NAV3: variants seen among roughly 807,000 people sequenced by gnomAD.
NAV3 encodes the protein pore membrane and/or filament interacting like protein 1.
NAV3 carries 87 observed loss-of-function variants against 244.7 expected under a neutral mutation model. The observed-to-expected ratio is 0.36, with a 90% confidence interval of 0.30 to 0.42. The LOEUF is 0.42. Ranked by LOEUF, NAV3 falls within the 20% of genes least tolerant of loss-of-function variation. NAV3 has a pLI of 1.00. For missense variants in NAV3, 2,663 were observed against 2,893.3 expected (o/e 0.92, Z 1.83); for synonymous variants, 1,126 against 1,042.2 (o/e 1.08, Z -1.55).
intron 2 of NAV3, among the ~76,000 whole-genome samples, chr12:77,699,776 A>T: frequency 7.1e-6 from 1 of 140,544 alleles, no homozygotes; most frequent in Non-Finnish European, 1.5e-5. Context: ...GAGCAAGGCC[A>T]TGTCTGCATG....
At chr12:78,103,426 A>G (rs937600896) in intron 12 of NAV3, among the ~76,000 whole-genome samples, 2 of 152,032 alleles carry the variant, frequency 1.3e-5, no homozygotes, top group African/African-American at 4.8e-5. Flanking sequence ...CTCTACTCCA[A>G]ACTTTCCCAC....
chr12:78,076,475 C>T (rs1953057061), intron 12 of NAV3, among the ~76,000 whole-genome samples: 1 of 152,126 alleles, frequency 6.6e-6, no homozygotes, highest in East Asian at 1.9e-4. Flanking sequence ...CTCCCAGAAT[C>T]GAATGCAGTT....
rs1960625139 is a variant in NAV3 at position 78,209,041 on chromosome 12, G to T, written c.7039-1357G>T. 2.6e-5 allele frequency among the ~76,000 whole-genome samples: 4 copies of T among 151,978 alleles called. No homozygotes were observed. The South Asian group carries it at 8.3e-4, about 32-fold the overall frequency. ...AGACATTTGACTTTTTGGCTTACTG[G>T]GTTTAAAAAGTTATCACCTACTACT... is the stretch of plus-strand genomic sequence containing the variant. On this transcript the variant is annotated intron_variant, in intron 39 of 39. Coordinates refer to ENST00000397909, the MANE Select transcript of NAV3 (RefSeq NM_001024383.2).
chr12:77,814,498 G>A (rs1872447937), intron 2 of NAV3, among the ~76,000 whole-genome samples: 1 of 152,132 alleles, frequency 6.6e-6, no homozygotes, highest in South Asian at 2.1e-4. Context: ...AGGAGAGGAG[G>A]TTGAATTCAA....
At chr12:77,898,997 G>A (rs902485197) in intron 1 of NAV3, among the ~76,000 whole-genome samples, 6 of 152,206 alleles carry the variant, frequency 3.9e-5, no homozygotes, top group Non-Finnish European at 8.8e-5. Context: ...AACTGCTGAT[G>A]TGGTAGGAAT....
chr12:77,585,060 T>G (rs79345018), intron 2 of NAV3, among the ~76,000 whole-genome samples: 3 of 152,184 alleles, frequency 2.0e-5, no homozygotes, highest in Non-Finnish European at 2.9e-5. Context: ...CGTTCTCACA[T>G]GTCTATGCCA....
At chr12:78,161,576 A>T (rs1033736134) in intron 23 of NAV3, among the ~76,000 whole-genome samples, 19 of 152,122 alleles carry the variant, frequency 1.2e-4, no homozygotes, top group Non-Finnish European at 2.6e-4. Context: ...CTGAATATTT[A>T]AAAATAATTT....
chr12:77,747,770 A>T (rs1327789248), intron 2 of NAV3, among the ~76,000 whole-genome samples: 4 of 152,188 alleles, frequency 2.6e-5, no homozygotes, highest in Non-Finnish European at 5.9e-5. Context: ...ATTCTCAGCA[A>T]ACTATTGCAA....
At chr12:77,584,039 A>G (rs1282584610) in intron 2 of NAV3, among the ~76,000 whole-genome samples, 2 of 152,186 alleles carry the variant, frequency 1.3e-5, no homozygotes, top group Non-Finnish European at 2.9e-5. Flanking sequence ...TCATGTATCC[A>G]GTATTACTGT....
At chr12:77,804,182 G>A (rs1871852875) in intron 2 of NAV3, among the ~76,000 whole-genome samples, 1 of 152,096 alleles carries the variant, frequency 6.6e-6, no homozygotes, top group Admixed American at 6.6e-5. Context: ...TTTGGCTTTT[G>A]TTGCCATTGC....
At chr12:78,012,594 G>T (rs1454402613) in intron 8 of NAV3, among the ~76,000 whole-genome samples, 1 of 151,786 alleles carries the variant, frequency 6.6e-6, no homozygotes, top group East Asian at 1.9e-4. Flanking sequence ...AACCTATATT[G>T]CTTTAGAACA....
At chr12:77,578,389 A>G (rs1002728525) in intron 2 of NAV3, among the ~76,000 whole-genome samples, 2 of 152,128 alleles carry the variant, frequency 1.3e-5, no homozygotes, top group East Asian at 1.9e-4. Flanking sequence ...CACCATTGTG[A>G]TGTGTTCAAT....
At chr12:77,797,283 TAGTA>T (rs1681528076) in intron 2 of NAV3, among the ~76,000 whole-genome samples, 1 of 152,164 alleles carries the variant, frequency 6.6e-6, no homozygotes, top group Non-Finnish European at 1.5e-5. Context: ...GTAGCAGAAA[TAGTA>T]AGAGTATTAC....
intron 1 of NAV3, among the ~76,000 whole-genome samples, chr12:77,888,008 A>G (rs1382308269): frequency 7.4e-6 from 1 of 135,472 alleles, no homozygotes; most frequent in African/African-American, 2.8e-5. Context: ...GTATCTAAAG[A>G]CACAAAAGTT....
At chr12:78,026,832 T>A (rs942386518) in intron 9 of NAV3, among the ~76,000 whole-genome samples, 1 of 152,270 alleles carries the variant, frequency 6.6e-6, no homozygotes, top group East Asian at 1.9e-4. Context: ...ATATAATGGA[T>A]GTAGCATTAA....
intron 5 of NAV3, among the ~76,000 whole-genome samples, chr12:77,989,437 A>G (rs1442936082): frequency 6.6e-6 from 1 of 152,188 alleles, no homozygotes; most frequent in Non-Finnish European, 1.5e-5. Context: ...TATGGAAGCT[A>G]AAGAGCTAGC....
At chr12:77,651,002 AAATT>A (rs1872796579) in intron 2 of NAV3, among the ~76,000 whole-genome samples, 1 of 152,126 alleles carries the variant, frequency 6.6e-6, no homozygotes, top group South Asian at 2.1e-4. Flanking sequence ...AAATCTAGGT[AAATT>A]AATCCTTATA....
rs542159164 is a variant in NAV3, at chr12:77,768,336, G to T, written c.73-171983G>T. On this transcript the variant is annotated intron_variant, in intron 2 of 8. Coordinates refer to the NAV3 transcript ENST00000550042. ...TTTCACCAGGCACCTGACCCTTTCTGCCCAGGAGCCTGTCTGCCTCCTGCC... is the reference window on the plus strand; with the variant it reads ...TTTCACCAGGCACCTGACCCTTTCTTCCCAGGAGCCTGTCTGCCTCCTGCC... 1.1e-4 allele frequency among the ~76,000 whole-genome samples: 17 copies of T among 152,312 alleles called. 1 individual carries two copies. In the South Asian group the frequency reaches 3.3e-3, roughly 30 times the overall value.
At chr12:77,779,951 A>G (rs1023437483) in intron 2 of NAV3, among the ~76,000 whole-genome samples, 3 of 152,232 alleles carry the variant, frequency 2.0e-5, no homozygotes, top group South Asian at 2.1e-4. Context: ...TTATTGGTAC[A>G]TGTCCCATTA....
Sources: gnomAD v4.1 joint callset for allele counts (sites outside exome capture counted in the v4.1 genomes callset) on GRCh38, gnomAD v4.1.1 for gene constraint, MANE v1.5 for transcripts, NCBI Gene and HGNC (gene_info 2026-07-23, HGNC 2026-07-21) for gene names.